IL23R: variants seen among roughly 807,000 people sequenced by gnomAD.
IL23R encodes interleukin 23 receptor.
IL23R carries 34 observed loss-of-function variants against 56.9 expected under a neutral mutation model. The observed-to-expected ratio is 0.60, with a 90% confidence interval of 0.45 to 0.80. The LOEUF (loss-of-function observed/expected upper bound fraction) is 0.80. IL23R is among the 30% of genes least tolerant of loss of function. IL23R has a pLI of 0.00. For synonymous variants in IL23R, 230 were observed against 249.2 expected, an observed-to-expected ratio of 0.92 and a Z score of 0.73; for missense variants, 635 against 730.0, an observed-to-expected ratio of 0.87 and a Z score of 1.50.
intron 1 of IL23R, among the ~76,000 whole-genome samples, chr1:67,143,711 G>C (rs566666462): frequency 6.6e-6 from 1 of 152,318 alleles, no homozygotes; most frequent in East Asian, 1.9e-4. Context: ...TTCTTAGGCA[G>C]AGAGACACAG....
intron 8 of IL23R, among the ~76,000 whole-genome samples, chr1:67,239,756 T>G (rs1651732634): frequency 6.6e-6 from 1 of 152,146 alleles, no homozygotes; most frequent in Non-Finnish European, 1.5e-5. Flanking sequence ...GATGACAAAT[T>G]GCACACATTC....
intron 5 of IL23R, among the ~76,000 whole-genome samples, chr1:67,205,085 T>C (rs2863210): frequency 0.37 from 56,314 of 152,062 alleles, 11,419 homozygotes; most frequent in Admixed American, 0.5. Flanking sequence ...CCAGCCTGAA[T>C]ACTGATTCTT....
intron 3 of IL23R, among the ~76,000 whole-genome samples, chr1:67,175,772 T>C (rs1223971580): frequency 2.0e-5 from 3 of 152,160 alleles, no homozygotes; most frequent in African/African-American, 7.2e-5. Context: ...GCCAGAGTAG[T>C]AGAAGAAAAC....
At chr1:67,204,164 C>T (rs942846679) in intron 5 of IL23R, among the ~76,000 whole-genome samples, 1 of 151,990 alleles carries the variant, frequency 6.6e-6, no homozygotes, top group Non-Finnish European at 1.5e-5. Context: ...TCCGGGTTCA[C>T]GCCATTCTCC....
chr1:67,251,451 CAAA>C (rs34047151), intron 9 of IL23R, among the ~76,000 whole-genome samples: 3 of 127,842 alleles, frequency 2.3e-5, no homozygotes, highest in Admixed American at 8.4e-5. Context: ...GACTCTGTCT[CAAA>C]AAAAAAAAAA....
At chr1:67,233,929 CTGTGTGTGTGTGTGTGTGTGTGTGTGTG>C (rs57455484) in intron 7 of IL23R, among the ~76,000 whole-genome samples, 1 of 138,688 alleles carries the variant, frequency 7.2e-6, no homozygotes, top group African/African-American at 2.6e-5. Flanking sequence ...GTCATAAAGG[CTGTGTGTGTGTGTGTGTGTGTGTGTGTG>C]TGTGTGTGTG....
intron 1 of IL23R, among the ~76,000 whole-genome samples, chr1:67,142,644 C>A (rs1646648393): frequency 6.6e-6 from 1 of 152,186 alleles, no homozygotes; most frequent in African/African-American, 2.4e-5. Flanking sequence ...CGGCTCACTG[C>A]AACCTTCACC....
chr1:67,232,464 T>C (rs1651164066), intron 7 of IL23R, among the ~76,000 whole-genome samples: 1 of 152,128 alleles, frequency 6.6e-6, no homozygotes, highest in Non-Finnish European at 1.5e-5. Flanking sequence ...GGAAGTGAGG[T>C]TATTAATTTA....
At chr1:67,161,006 T>A (rs1375479354) in intron 1 of IL23R, among the ~76,000 whole-genome samples, 1 of 152,214 alleles carries the variant, frequency 6.6e-6, no homozygotes, top group African/African-American at 2.4e-5. Flanking sequence ...GATACCAATT[T>A]TCCATCCAAA....
chr1:67,250,216 A>C (rs1652520320), intron 9 of IL23R, among the ~76,000 whole-genome samples: 1 of 152,184 alleles, frequency 6.6e-6, no homozygotes, highest in Non-Finnish European at 1.5e-5. Context: ...GGTAACTGTT[A>C]GCAACTTTTA....
At chr1:67,223,005 G>A (rs1650399584) in intron 7 of IL23R, among the ~76,000 whole-genome samples, 1 of 152,162 alleles carries the variant, frequency 6.6e-6, no homozygotes, top group Non-Finnish European at 1.5e-5. Context: ...TGTAACCCCA[G>A]CACTTTAAGA....
rs143511694 is a variant in IL23R at position 67,151,528 on chromosome 1, C to T, written c.-634+12367C>T. On this transcript the variant is annotated intron_variant, in intron 1 of 10. Transcript: ENST00000637002. Reference sequence around the variant, plus strand: ...TTTCATCATGAAGTCTTTGCCCATGCCTATGTCCTGAATGGTATTGCCTAG... The same window carrying T: ...TTTCATCATGAAGTCTTTGCCCATGTCTATGTCCTGAATGGTATTGCCTAG... 3.7e-3 allele frequency among the ~76,000 whole-genome samples: 563 copies of T among 152,268 alleles called. 4 individuals carry two copies. The highest frequency in any genetic ancestry group is 0.013 in the African/African-American group (542 of 41,550).
intron 3 of IL23R, among the ~76,000 whole-genome samples, chr1:67,170,861 G>A (rs1415881454): frequency 6.6e-6 from 1 of 152,128 alleles, no homozygotes; most frequent in Admixed American, 6.6e-5. Flanking sequence ...CTATAATGAG[G>A]CCATTGTCCT....
chr1:67,173,726 A>G (rs1200249734), intron 3 of IL23R, among the ~76,000 whole-genome samples: 1 of 152,168 alleles, frequency 6.6e-6, no homozygotes. Context: ...ATAAAATCAA[A>G]TTGCATTGAA....
At chr1:67,223,770 T>C (rs1368937718) in intron 7 of IL23R, among the ~76,000 whole-genome samples, 1 of 152,226 alleles carries the variant, frequency 6.6e-6, no homozygotes, top group Admixed American at 6.5e-5. Context: ...CACGGCATTC[T>C]CGTTTATGTA....
At chr1:67,217,638 T>C (rs1649933702) in intron 6 of IL23R, among the ~76,000 whole-genome samples, 1 of 151,472 alleles carries the variant, frequency 6.6e-6, no homozygotes, top group Non-Finnish European at 1.5e-5. Context: ...TATATTAACA[T>C]TGCAGAAAAT....
intron 4 of IL23R, among the ~76,000 whole-genome samples, chr1:67,191,244 C>T (rs1356745019): frequency 4.6e-5 from 7 of 151,494 alleles, no homozygotes; most frequent in Admixed American, 2.6e-4. Flanking sequence ...CCCTTCCTCA[C>T]TCTCTATTGA....
intron 9 of IL23R, 48 bp downstream of exon 9, chr1:67,240,329 T>C: frequency 8.6e-7 from 1 of 1,166,970 alleles, no homozygotes. Flanking sequence ...TACATGTATA[T>C]GTATCACCAA....
intron 3 of IL23R, among the ~76,000 whole-genome samples, chr1:67,177,787 A>G (rs1647031232): frequency 6.6e-6 from 1 of 151,054 alleles, no homozygotes; most frequent in Non-Finnish European, 1.5e-5. Flanking sequence ...TCTTGAGTTA[A>G]TTTTTGTATA....
Sources: allele counts gnomAD v4.1 joint callset (sites outside exome capture counted in the v4.1 genomes callset), GRCh38; gene constraint gnomAD v4.1.1; transcripts MANE v1.5; gene names NCBI Gene and HGNC (gene_info 2026-07-23, HGNC 2026-07-21).